Variants in ACYP2 observed in about 807,000 individuals in gnomAD.
ACYP2 encodes acylphosphatase-2.
A neutral mutation model predicts 11.2 loss-of-function variants in ACYP2; 12 were observed. That is an observed-to-expected ratio of 1.08 (90% CI 0.69 to 1.74). ACYP2 has a LOEUF of 1.74. ACYP2 is among the 40% of genes most tolerant of loss of function. ACYP2 has a pLI of 0.00. For synonymous variants in ACYP2, 43 were observed against 32.2 expected (o/e 1.33, Z -1.13); for missense variants, 134 against 101.9 (o/e 1.31, Z -1.35).
chr2:54,065,033 G>A (rs1249050240), intron 4 of ACYP2, among the ~76,000 whole-genome samples: 1 of 150,440 alleles, frequency 6.6e-6, no homozygotes, highest in African/African-American at 2.5e-5. Flanking sequence ...GCACTGAGCC[G>A]AGATCATGCC....
chr2:54,092,404 C>A (rs1217870790), intron 4 of ACYP2, among the ~76,000 whole-genome samples: 1 of 152,188 alleles, frequency 6.6e-6, no homozygotes, highest in Non-Finnish European at 1.5e-5. Context: ...TTCTTTCTCT[C>A]CTGCCCAGTT....
intron 6 of ACYP2, among the ~76,000 whole-genome samples, chr2:54,154,147 T>C (rs893633588): frequency 2.0e-5 from 3 of 152,178 alleles, no homozygotes; most frequent in Non-Finnish European, 4.4e-5. Context: ...GATTTTTGCG[T>C]GTTGACTTTG....
At chr2:53,988,838 C>T (rs138876698) in intron 2 of ACYP2, among the ~76,000 whole-genome samples, 1 of 152,188 alleles carries the variant, frequency 6.6e-6, no homozygotes, top group East Asian at 1.9e-4. Flanking sequence ...CTCTGCCTCC[C>T]GGGTTCATGC....
At chr2:54,058,991 G>A (rs1342467696) in intron 4 of ACYP2, among the ~76,000 whole-genome samples, 2 of 152,126 alleles carry the variant, frequency 1.3e-5, no homozygotes, top group Non-Finnish European at 2.9e-5. Context: ...GGTTTGGAAA[G>A]TTTCTGGTTG....
chr2:54,302,365 C>G (rs1689759976), intron 6 of ACYP2, among the ~76,000 whole-genome samples: 1 of 152,136 alleles, frequency 6.6e-6, no homozygotes, highest in African/African-American at 2.4e-5. Flanking sequence ...TGGTGGATCC[C>G]TCTCTACTTC....
chr2:54,003,291 C>A (rs1480600913), intron 2 of ACYP2, among the ~76,000 whole-genome samples: 1 of 151,704 alleles, frequency 6.6e-6, no homozygotes, highest in African/African-American at 2.4e-5. Context: ...CAGAGTTTCA[C>A]TCTTGTTGCC....
At chr2:54,142,005 GTGTGTGTA>G (rs1231136532) in intron 6 of ACYP2, 104 of 453,674 alleles carry the variant, frequency 2.3e-4, no homozygotes, top group African/African-American at 2.1e-3. Flanking sequence ...GTGTGTGTGT[GTGTGTGTA>G]TATTTTGTTG....
Position 54,007,161 on chromosome 2 carries a change from AAAAG to A in ACYP2, c.62+33371_62+33374del, listed in dbSNP as rs1199396800. On this transcript the variant is annotated intron_variant, in intron 2 of 6. Coordinates refer to ENST00000607452, the MANE Select transcript of ACYP2 (RefSeq NM_001320586.2). The stretch of plus-strand genomic sequence containing the variant: ...GTCAAAAAAAAAAAAAAAAAAAAAA[AAAAG>A]AAAGAAAGAAAGAAAGAAAAAGAAA... Among the ~76,000 whole-genome samples, 514 of 141,324 alleles carry A rather than the reference AAAAG, an allele frequency of 3.6e-3. 2 individuals are homozygous for A. The highest frequency in any genetic ancestry group is 0.012 in the African/African-American group (443 of 37,596). 92.7% of individuals were successfully genotyped at this position (141,324 alleles called of 152,430 possible). A position where few individuals can be genotyped will look rare whatever the true frequency, so the allele number is the denominator to read the frequency against.
intron 4 of ACYP2, among the ~76,000 whole-genome samples, chr2:54,096,735 A>G (rs1171803572): frequency 3.3e-5 from 5 of 152,218 alleles, no homozygotes; most frequent in African/African-American, 1.2e-4. Flanking sequence ...CGGCAGGCTG[A>G]GGCAGGAGAA....
rs1015312135 is a variant in ACYP2 at position 54,249,940 on chromosome 2, CAAAAAAAAAAAA to C, written c.405-54733_405-54722del. 3.4e-4 allele frequency among the ~76,000 whole-genome samples: 15 copies of C among 44,462 alleles called. No homozygotes were observed. The South Asian group carries it at 3.8e-3, about 11-fold the overall frequency. The allele number at this position is 44,462 out of a possible 152,430, so 29.2% of individuals were successfully genotyped here. A position where few individuals can be genotyped will look rare whatever the true frequency, so the allele number is the denominator to read the frequency against. On this transcript the variant is annotated intron_variant, in intron 6 of 6. Transcript: ENST00000607452. The stretch of plus-strand genomic sequence containing the variant: ...TTGGCAACAGAGCAAGACCCTGTCT[CAAAAAAAAAAAA>C]AAAAAAAAAAAAAAGAAAACTCACA...
chr2:53,981,107 T>G (rs1292265394), intron 2 of ACYP2, among the ~76,000 whole-genome samples: 1 of 152,182 alleles, frequency 6.6e-6, no homozygotes, highest in Non-Finnish European at 1.5e-5. Flanking sequence ...CTTCTATGTT[T>G]AGATACACAA....
chr2:54,091,630 G>A (rs1678238789), intron 4 of ACYP2, among the ~76,000 whole-genome samples: 1 of 151,906 alleles, frequency 6.6e-6, no homozygotes, highest in Non-Finnish European at 1.5e-5. Flanking sequence ...TTCTGCATCA[G>A]CCTCCTGAGT....
chr2:54,150,935 G>T (rs1377526368), intron 6 of ACYP2, among the ~76,000 whole-genome samples: 1 of 149,654 alleles, frequency 6.7e-6, no homozygotes, highest in Admixed American at 6.7e-5. Flanking sequence ...TAGAGACGGG[G>T]TTTCACTGTT....
chr2:54,237,807 G>T (rs570762159), intron 6 of ACYP2, among the ~76,000 whole-genome samples: 1 of 152,148 alleles, frequency 6.6e-6, no homozygotes, highest in Non-Finnish European at 1.5e-5. Context: ...CAAAGTCTCA[G>T]TCATTATCTT....
At chr2:54,280,262 T>C (rs541299116) in intron 6 of ACYP2, among the ~76,000 whole-genome samples, 1 of 152,188 alleles carries the variant, frequency 6.6e-6, no homozygotes, top group South Asian at 2.1e-4. Context: ...CAAGAGGACA[T>C]CATGGTTGAT....
intron 4 of ACYP2, among the ~76,000 whole-genome samples, chr2:54,130,094 A>T (rs1680812241): frequency 6.6e-6 from 1 of 152,136 alleles, no homozygotes. Context: ...TCCTGTTCTT[A>T]TGGAACTGAC....
chr2:54,220,983 C>T (rs904149022), intron 6 of ACYP2, among the ~76,000 whole-genome samples: 6 of 152,174 alleles, frequency 3.9e-5, no homozygotes, highest in African/African-American at 7.2e-5. Flanking sequence ...TTGGGTTTGG[C>T]CATAGGATTT....
At chr2:54,109,913 A>G (rs1679369736) in intron 4 of ACYP2, among the ~76,000 whole-genome samples, 1 of 152,138 alleles carries the variant, frequency 6.6e-6, no homozygotes, top group Non-Finnish European at 1.5e-5. Flanking sequence ...TACTTTATTC[A>G]GATGTCCTCA....
At chr2:54,154,970 C>T (rs1157739920) in intron 6 of ACYP2, among the ~76,000 whole-genome samples, 1 of 152,082 alleles carries the variant, frequency 6.6e-6, no homozygotes, top group Non-Finnish European at 1.5e-5. Flanking sequence ...TATTATTGGT[C>T]TGTTCAGATT....
Sources: allele counts gnomAD v4.1 joint callset (sites outside exome capture counted in the v4.1 genomes callset), GRCh38; gene constraint gnomAD v4.1.1; transcripts MANE v1.5; gene names NCBI Gene and HGNC (gene_info 2026-07-23, HGNC 2026-07-21).